Variants in GABRQ observed in about 807,000 individuals in gnomAD.
GABRQ encodes the protein gamma-aminobutyric acid type A receptor subunit theta.
In GABRQ, 19 loss-of-function variants were observed where a neutral mutation model predicts 30.5. That is an observed-to-expected ratio of 0.62 (90% CI 0.43 to 0.91). The LOEUF is 0.91. GABRQ is among the 40% of genes least tolerant of loss of function. The probability of loss-of-function intolerance (pLI) is 0.00; values close to 1 mark genes in which losing one functional copy is unlikely to be tolerated. For synonymous variants in GABRQ, 187 were observed against 210.2 expected (o/e 0.89, Z 0.95); for missense variants, 520 against 521.4 (o/e 1.00, Z 0.03).
intron 2 of GABRQ, among the ~76,000 whole-genome samples, chrX:152,642,344 C>G (rs1930778979): frequency 8.9e-6 from 1 of 112,169 alleles, no homozygotes; most frequent in Non-Finnish European, 1.9e-5. Context: ...CTTCCCCTCA[C>G]TTCCCCACAC....
In GABRQ at chrX:152,650,499, T is replaced by A. The variant is rs1264883169; in HGVS notation, c.820T>A (p.Trp274Arg). Residue 274 changes from tryptophan to arginine, a missense_variant, in exon 7 of 9, where the codon TGG (tryptophan) becomes AGG (arginine). Trp to Arg is a moderately radical substitution (Grantham distance 101). Transcript: ENST00000598523. ...EVNSYLVQVYWPTVLTTITSW... is the reference protein window; with the variant it reads ...EVNSYLVQVYRPTVLTTITSW... ...TAACAGCTACCTTGTGCAAGTCTAC[T>A]GGCCTACTGTCCTCACCACTATTAC... The A allele has an allele frequency of 8.4e-7, 1 of 1,195,471 alleles. No homozygotes were observed. The highest frequency in any genetic ancestry group is 1.1e-6 in the Non-Finnish European group (1 of 881,978).
Position 152,653,339 on chromosome X carries a change from G to A in GABRQ, c.*58G>A. The A allele has an allele frequency of 2.2e-6, 2 of 929,593 alleles. No homozygotes were observed. Among genetic ancestry groups the A allele is most frequent in the Non-Finnish European group, 3.0e-6 (2 of 671,292 alleles). 76.6% of individuals were successfully genotyped at this position (929,593 alleles called of 1,213,427 possible). A position where few individuals can be genotyped will look rare whatever the true frequency, so the allele number is the denominator to read the frequency against. ...TGCTGTGCTCCTTTCAGTTTCTTTT[G>A]GGTTTGTTTTTCCCTCTTTCCTTTG... On this transcript the variant is annotated 3_prime_UTR_variant, in exon 9 of 9. Transcript: ENST00000598523.
At position 152,638,430 on chromosome X, in the gene GABRQ, G is replaced by A. The variant is rs1347128839; in HGVS notation, c.149+79G>A. On this transcript the variant is annotated intron_variant, in intron 1 of 8. Transcript: ENST00000598523. Reference sequence around the variant, plus strand: ...GACGACCTCTGGCCTCTTGGACGGAGCGGGCTGGGGGCGACTCGGGCTGGG... The same window carrying A: ...GACGACCTCTGGCCTCTTGGACGGAACGGGCTGGGGGCGACTCGGGCTGGG... 1.3e-5 allele frequency: 13 copies of A among 1,025,585 alleles called. No individual in the cohort carries two copies. The East Asian group carries it at 3.7e-4, about 30-fold the overall frequency. The allele number at this position is 1,025,585 out of a possible 1,213,427, so 84.5% of individuals were successfully genotyped here.
rs1556820884 is a variant in GABRQ, at chrX:152,654,194, T to C, written c.*913T>C. 2 of 112,522 alleles carry C rather than the reference T, an allele frequency of 1.8e-5. No homozygotes were observed. The allele number at this position is 112,522 out of a possible 1,213,427, so 9.3% of individuals were successfully genotyped here. A position where few individuals can be genotyped will look rare whatever the true frequency, so the allele number is the denominator to read the frequency against. On this transcript the variant is annotated 3_prime_UTR_variant, in exon 9 of 9. Coordinates refer to ENST00000598523, the MANE Select transcript of GABRQ (RefSeq NM_018558.4). ...ATCACCAGTTACAGCACTTGGTGAATAAGCACTAAGGTTAGGATAATTCAC... is the reference window on the plus strand; with the variant it reads ...ATCACCAGTTACAGCACTTGGTGAACAAGCACTAAGGTTAGGATAATTCAC...
intron 1 of GABRQ, among the ~76,000 whole-genome samples, chrX:152,639,419 C>T (rs1342748884): frequency 3.6e-4 from 40 of 111,011 alleles, no homozygotes; most frequent in Admixed American, 3.3e-3. Context: ...CACACATTTG[C>T]AGGGGCTGAC....
chrX:152,653,923 G>A lies in GABRQ; in HGVS notation c.*642G>A, dbSNP rs1455030051. On this transcript the variant is annotated 3_prime_UTR_variant, in exon 9 of 9. Transcript: ENST00000598523. ...TGGCATTTGACTGTGGTGTTTTGAT[G>A]CAAGCGTGGAAGGGGAATGTGGGTG... 6 of 111,668 alleles carry A rather than the reference G, an allele frequency of 5.4e-5. No individual in the cohort carries two copies. Among genetic ancestry groups the A allele is most frequent in the African/African-American group, 2.0e-4 (6 of 30,598 alleles). 9.2% of individuals were successfully genotyped at this position (111,668 alleles called of 1,213,427 possible). A position where few individuals can be genotyped will look rare whatever the true frequency, so the allele number is the denominator to read the frequency against.
At chrX:152,641,369 C>T (rs1930752581) in intron 2 of GABRQ, among the ~76,000 whole-genome samples, 1 of 112,963 alleles carries the variant, frequency 8.9e-6, no homozygotes, top group Non-Finnish European at 1.9e-5. Context: ...AAGGAAGCTC[C>T]CACTCCAAAG....
Position 152,649,771 on chromosome X carries a change from T to C in GABRQ, c.640T>C (p.Phe214Leu). 8.4e-7 allele frequency: 1 copy of C among 1,184,768 alleles called. No homozygotes were observed. The highest frequency in any genetic ancestry group is 1.1e-6 in the Non-Finnish European group (1 of 871,226). Reference sequence around the variant, plus strand: ...TTACACGGTTGAAGACATCATATTATTCTGGGATGACAATGGGAACGCCAT... The same window carrying C: ...TTACACGGTTGAAGACATCATATTACTCTGGGATGACAATGGGAACGCCAT... ...YGYTVEDIILFWDDNGNAIHM... is the reference protein window; with the variant it reads ...YGYTVEDIILLWDDNGNAIHM... Residue 214 changes from phenylalanine to leucine, a missense_variant, in exon 6 of 9, where the codon TTC (phenylalanine) becomes CTC (leucine). Physicochemically the swap from Phe to Leu is conservative, Grantham distance 22. Transcript: ENST00000598523.
chrX:152,648,492 G>A (rs1930942737), intron 4 of GABRQ, among the ~76,000 whole-genome samples: 1 of 109,148 alleles, frequency 9.2e-6, no homozygotes, highest in South Asian at 4.0e-4. Flanking sequence ...AGCCTCCCCA[G>A]TAGCTGGGAA....
rs1302267977 is a variant in GABRQ at position 152,646,198 on chromosome X, T to C, written c.306+604T>C. 6.2e-5 allele frequency among the ~76,000 whole-genome samples: 7 copies of C among 112,221 alleles called. No individual in the cohort carries two copies. The Admixed American group carries it at 6.6e-4, about 11-fold the overall frequency. The stretch of plus-strand genomic sequence containing the variant: ...ATATATGAAACATATGAAAAGACGG[T>C]TAGCCTTGTTAGTAGTGCAAAATAA... On this transcript the variant is annotated intron_variant, in intron 3 of 8. Transcript: ENST00000598523.
chrX:152,638,399 C>T lies in GABRQ; in HGVS notation c.149+48C>T, dbSNP rs951657788. 5.2e-6 allele frequency: 6 copies of T among 1,150,255 alleles called. No individual in the cohort carries two copies. In the African/African-American group the frequency reaches 7.0e-5, roughly 14 times the overall value. The allele number at this position is 1,150,255 out of a possible 1,213,427, so 94.8% of individuals were successfully genotyped here. On this transcript the variant is annotated intron_variant, in intron 1 of 8. Coordinates refer to ENST00000598523, the MANE Select transcript of GABRQ (RefSeq NM_018558.4). Reference sequence around the variant, plus strand: ...GGCACGGCGGGGACGGGAATGGAGACGGGCAGACGACCTCTGGCCTCTTGG... The same window carrying T: ...GGCACGGCGGGGACGGGAATGGAGATGGGCAGACGACCTCTGGCCTCTTGG...
chrX:152,640,056 A>G (rs1309697299), intron 1 of GABRQ, among the ~76,000 whole-genome samples: 1 of 110,120 alleles, frequency 9.1e-6, no homozygotes, highest in African/African-American at 3.3e-5. Flanking sequence ...TCATCTGCCC[A>G]CTCTTCTTCG....
At chrX:152,651,895 C>G in intron 8 of GABRQ, 113 bp downstream of exon 8, 8 of 644,675 alleles carry the variant, frequency 1.2e-5, no homozygotes, top group Non-Finnish European at 1.9e-5. Flanking sequence ...CCCACACATG[C>G]GCGCACACGC....
intron 4 of GABRQ, among the ~76,000 whole-genome samples, 183 bp downstream of exon 4, chrX:152,647,351 C>T (rs1930915571): frequency 9.0e-6 from 1 of 111,698 alleles, no homozygotes; most frequent in Admixed American, 9.5e-5. Context: ...CCACAGACAC[C>T]CTTAGCTGTT....
At chrX:152,643,105 G>T (rs1030509559) in intron 2 of GABRQ, among the ~76,000 whole-genome samples, 5 of 112,378 alleles carry the variant, frequency 4.4e-5, no homozygotes, top group Non-Finnish European at 9.4e-5. Context: ...TAACACTGAG[G>T]TGTAGCTGGC....
intron 4 of GABRQ, among the ~76,000 whole-genome samples, chrX:152,648,434 G>A (rs911534626): frequency 3.7e-5 from 4 of 107,174 alleles, no homozygotes; most frequent in East Asian, 5.9e-4. Context: ...GCACAATGTC[G>A]GCTCACTGCA....
At chrX:152,642,988 C>A (rs782640015) in intron 2 of GABRQ, among the ~76,000 whole-genome samples, 2 of 112,780 alleles carry the variant, frequency 1.8e-5, no homozygotes, top group South Asian at 7.3e-4. Flanking sequence ...ACTTTCCCTT[C>A]AACTAGGAGT....
At position 152,645,558 on chromosome X, in the gene GABRQ, T is replaced by A; in HGVS notation, c.270T>A (p.Tyr90Ter). ...CTGTGCCTGTGAGAATATCTATTTATGTCACGAGCATTGAACAGATCTCAG... is the reference window on the plus strand; with the variant it reads ...CTGTGCCTGTGAGAATATCTATTTAAGTCACGAGCATTGAACAGATCTCAG... The part of the protein sequence containing the change: ...GAPVPVRISI[Y>*]VTSIEQISEM... Residue 90 changes from tyrosine to a stop codon, truncating the protein, a stop_gained, in exon 3 of 9, where the codon TAT becomes TAA. Transcript: ENST00000598523. LOFTEE classifies it high-confidence loss of function. 3 of 1,147,380 alleles carry A rather than the reference T, an allele frequency of 2.6e-6. No homozygotes were observed. Among genetic ancestry groups the A allele is most frequent in the Non-Finnish European group, 3.6e-6 (3 of 836,828 alleles). 94.6% of individuals were successfully genotyped at this position (1,147,380 alleles called of 1,213,427 possible).
chrX:152,646,866 C>T (rs1930899208), intron 3 of GABRQ, 82 bp from the exon 4 acceptor site: 8 of 601,192 alleles, frequency 1.3e-5, no homozygotes, highest in Non-Finnish European at 2.3e-5. Context: ...TGCATGCACA[C>T]ATACACACAC....
Sources: allele counts gnomAD v4.1 joint callset (sites outside exome capture counted in the v4.1 genomes callset), GRCh38; gene constraint gnomAD v4.1.1; transcripts MANE v1.5; gene names NCBI Gene and HGNC (gene_info 2026-07-23, HGNC 2026-07-21).